The following MYO1D variants were observed in gnomAD, a reference collection of about 807,000 sequenced individuals.
The protein encoded by MYO1D is myosin ID.
Under a neutral mutation model 122.0 loss-of-function variants are expected in MYO1D, and 83 were observed. The ratio of observed to expected loss-of-function variants is 0.68; its 90% CI spans 0.57 to 0.82. The LOEUF (loss-of-function observed/expected upper bound fraction) is 0.82, where lower values mean the gene tolerates loss of function less well. Ranked by LOEUF, MYO1D falls within the 40% of genes least tolerant of loss-of-function variation. The pLI, the probability that MYO1D is intolerant of heterozygous loss-of-function variation, is 0.00. For missense variants in MYO1D, 1,157 were observed against 1,269.5 expected, an observed-to-expected ratio of 0.91 and a Z score of 1.35; for synonymous variants, 464 against 446.9, an observed-to-expected ratio of 1.04 and a Z score of -0.48.
Position 32,659,270 on chromosome 17 carries a change from G to A in MYO1D, c.2190C>T (p.Tyr730=), listed in dbSNP as rs1202372356. Residue 730 remains tyrosine, a synonymous_variant, in exon 17 of 22, where the codon TAC becomes TAT. Transcript: ENST00000318217. ...ACGACTTCACTTTGTAGCGCCGGTA[G>A]TACCTGATTATTGTCAGAGCTGCCT... ...RTKAALTIIR[Y]YRRYKVKSYI... is the part of the protein sequence containing the mutation. 2 of 1,614,106 alleles carry A rather than the reference G, an allele frequency of 1.2e-6. No homozygotes were observed. The highest frequency in any genetic ancestry group is 1.3e-5 in the African/African-American group (1 of 74,934).
At chr17:32,795,111 G>A (rs750641250) in intron 1 of MYO1D, among the ~76,000 whole-genome samples, 4 of 152,160 alleles carry the variant, frequency 2.6e-5, no homozygotes, top group Non-Finnish European at 5.9e-5. Context: ...CCATTAATGA[G>A]GATAGGGACA....
At chr17:32,613,139 C>A (rs1405021415) in intron 20 of MYO1D, among the ~76,000 whole-genome samples, 1 of 148,186 alleles carries the variant, frequency 6.7e-6, no homozygotes, top group African/African-American at 2.5e-5. Context: ...CAATTAATTT[C>A]TATTTATAAC....
intron 21 of MYO1D, among the ~76,000 whole-genome samples, chr17:32,535,165 T>C (rs960166447): frequency 2.6e-5 from 4 of 152,196 alleles, no homozygotes; most frequent in African/African-American, 7.2e-5. Context: ...TCTTTTTCAG[T>C]CTTAATTAAA....
Position 32,738,368 on chromosome 17 carries a change from T to G in MYO1D, c.1631A>C (p.Lys544Thr). The G allele has an allele frequency of 1.3e-6, 2 of 1,598,898 alleles. No individual in the cohort carries two copies. The highest frequency in any genetic ancestry group is 1.7e-6 in the Non-Finnish European group (2 of 1,173,086). The change falls in exon 14 of 22, where the codon AAG becomes ACG. Residue 544 changes from lysine (K) to threonine (T), a missense_variant. Lys to Thr is a moderately conservative substitution (Grantham distance 78, BLOSUM62 -1). Transcript: ENST00000318217. Reference protein sequence around the residue: ...LMYNSSNPVLKNMWPEGKLSI... With the variant: ...LMYNSSNPVLTNMWPEGKLSI... The stretch of plus-strand genomic sequence containing the variant: ...CAGTTTGCCTTCAGGCCACATATTC[T>G]TGAGCACAGGATTTGAACTGAGAAG...
At chr17:32,719,200 A>G (rs2150990381) in intron 15 of MYO1D, among the ~76,000 whole-genome samples, 1 of 152,182 alleles carries the variant, frequency 6.6e-6, no homozygotes, top group East Asian at 1.9e-4. Flanking sequence ...ATCATATCCA[A>G]TCCATGAGAG....
At chr17:32,717,287 G>A (rs1408239614) in intron 15 of MYO1D, among the ~76,000 whole-genome samples, 5 of 152,004 alleles carry the variant, frequency 3.3e-5, no homozygotes, top group Non-Finnish European at 7.4e-5. Flanking sequence ...AGTTAATCAC[G>A]GTCTATAATA....
chr17:32,549,746 A>G (rs225193), intron 21 of MYO1D, among the ~76,000 whole-genome samples: 75,192 of 151,974 alleles, frequency 0.49, 18,892 homozygotes, highest in East Asian at 0.55. Context: ...AAGTCTCTTC[A>G]ATCCCAGAGC....
intron 21 of MYO1D, among the ~76,000 whole-genome samples, chr17:32,540,286 C>T (rs1429201232): frequency 6.6e-5 from 9 of 137,028 alleles, no homozygotes; most frequent in South Asian, 2.3e-4. Context: ...GCCGAGATCG[C>T]GTCACTGTAC....
intron 11 of MYO1D, among the ~76,000 whole-genome samples, chr17:32,754,517 T>G (rs2089927806): frequency 6.6e-6 from 1 of 152,264 alleles, no homozygotes; most frequent in Admixed American, 6.5e-5. Flanking sequence ...AGTAATCTAT[T>G]TCTTGACGAT....
At chr17:32,783,157 C>CAAA (rs5819997) in intron 1 of MYO1D, among the ~76,000 whole-genome samples, 3 of 145,262 alleles carry the variant, frequency 2.1e-5, no homozygotes, top group Admixed American at 6.9e-5. Flanking sequence ...ACTGTCCAAA[C>CAAA]AAAAAAAAAA....
chr17:32,599,960 G>A (rs994273181), intron 21 of MYO1D, among the ~76,000 whole-genome samples: 2 of 152,146 alleles, frequency 1.3e-5, no homozygotes, highest in Admixed American at 1.3e-4. Context: ...GCCATGAAAT[G>A]TGTTTCTTAA....
chr17:32,670,085 G>A (rs1464762638), intron 16 of MYO1D, among the ~76,000 whole-genome samples: 12 of 151,858 alleles, frequency 7.9e-5, no homozygotes, highest in Non-Finnish European at 1.8e-4. Context: ...TAGTAGAGAC[G>A]GGGTTTTGCC....
chr17:32,615,179 C>G (rs926251207), intron 20 of MYO1D, among the ~76,000 whole-genome samples: 7 of 152,086 alleles, frequency 4.6e-5, no homozygotes, highest in African/African-American at 1.7e-4. Flanking sequence ...AACATAATCC[C>G]AGATAGTTGG....
At chr17:32,616,605 C>A (rs1168348964) in intron 20 of MYO1D, among the ~76,000 whole-genome samples, 2 of 151,370 alleles carry the variant, frequency 1.3e-5, no homozygotes. Flanking sequence ...ACAGGTGTAA[C>A]CACAGTGGTT....
chr17:32,757,487 A>T (rs1047857156), intron 10 of MYO1D, among the ~76,000 whole-genome samples: 28 of 152,296 alleles, frequency 1.8e-4, no homozygotes, highest in South Asian at 6.2e-4. Context: ...ACTGAGGTGA[A>T]GCAGTGTAGG....
chr17:32,693,156 G>A (rs1432269273), intron 16 of MYO1D, among the ~76,000 whole-genome samples: 2 of 152,124 alleles, frequency 1.3e-5, no homozygotes, highest in African/African-American at 2.4e-5. Context: ...ATCTATTCAC[G>A]AAATCACTTC....
intron 1 of MYO1D, among the ~76,000 whole-genome samples, chr17:32,808,882 TATG>T (rs1436301258): frequency 4.6e-5 from 7 of 152,178 alleles, no homozygotes; most frequent in Admixed American, 3.9e-4. Context: ...CTACCTACTT[TATG>T]ATATTTTGTT....
intron 1 of MYO1D, among the ~76,000 whole-genome samples, chr17:32,811,616 C>CTT (rs755189217): frequency 0.12 from 6,843 of 56,860 alleles, 2,169 homozygotes; most frequent in South Asian, 0.18. Flanking sequence ...CCCTCACCCT[C>CTT]TTTTTTTTTT....
At chr17:32,553,282 T>G (rs2087037903) in intron 21 of MYO1D, among the ~76,000 whole-genome samples, 1 of 152,050 alleles carries the variant, frequency 6.6e-6, no homozygotes, top group Admixed American at 6.6e-5. Context: ...TGAACTATAG[T>G]GCCAAGGGAC....
Sources: gnomAD v4.1 joint callset for allele counts (sites outside exome capture counted in the v4.1 genomes callset) on GRCh38, gnomAD v4.1.1 for gene constraint, MANE v1.5 for transcripts, NCBI Gene and HGNC (gene_info 2026-07-23, HGNC 2026-07-21) for gene names.